TMEM248: variants seen among roughly 807,000 people sequenced by gnomAD.
TMEM248 encodes the protein transmembrane protein 248.
TMEM248 carries 9 observed loss-of-function variants against 30.3 expected under a neutral mutation model. The ratio of observed to expected loss-of-function variants is 0.30; its 90% CI spans 0.18 to 0.52. The LOEUF (loss-of-function observed/expected upper bound fraction) is 0.52, where lower values mean the gene tolerates loss of function less well. Ranked by LOEUF, TMEM248 falls within the 20% of genes least tolerant of loss-of-function variation. TMEM248 has a pLI of 0.97. For missense variants in TMEM248, 338 were observed against 403.3 expected (o/e 0.84, Z 1.39); for synonymous variants, 184 against 154.4 (o/e 1.19, Z -1.42).
chr7:66,948,609 T>TC lies in TMEM248; in HGVS notation c.511_512insC (p.Cys171SerfsTer8). ...GCCTACAGCGTGGAGCTCAGATGAC[T>TC]GCGCCCTCCACGGTCACTGTGAGCA... is the stretch of plus-strand genomic sequence containing the variant. On this transcript the variant is annotated frameshift_variant, in exon 4 of 7. Transcript: ENST00000341567. LOFTEE classifies it high-confidence loss of function. The TC allele has an allele frequency of 1.9e-6, 3 of 1,614,174 alleles. No homozygotes were observed. Among genetic ancestry groups the TC allele is most frequent in the Non-Finnish European group, 2.5e-6 (3 of 1,180,020 alleles).
intron 5 of TMEM248, among the ~76,000 whole-genome samples, chr7:66,951,850 G>A (rs962860189): frequency 2.6e-5 from 4 of 151,984 alleles, no homozygotes; most frequent in Middle Eastern, 3.4e-3. Flanking sequence ...TTGTAGAGAC[G>A]GGGGTCTTGC....
At position 66,945,067 on chromosome 7, in the gene TMEM248, C is replaced by G. The variant is rs778080739; in HGVS notation, c.251C>G (p.Thr84Ser). ...TLKHLTNDTT[T>S]PESTMTSGQA... ...AAGCATCTCACAAACGACACCACAACTCCGGAAAGTACAATGACCAGCGGG... is the reference window on the plus strand; with the variant it reads ...AAGCATCTCACAAACGACACCACAAGTCCGGAAAGTACAATGACCAGCGGG... Residue 84 changes from threonine (T) to serine (S), a missense_variant, in exon 3 of 7, where the codon ACT (threonine) becomes AGT (serine). Coordinates refer to ENST00000341567, the MANE Select transcript of TMEM248 (RefSeq NM_017994.5). 1 of 1,614,252 alleles carries G rather than the reference C, an allele frequency of 6.2e-7. No individual in the cohort carries two copies. The highest frequency in any genetic ancestry group is 1.1e-5 in the South Asian group (1 of 91,082).
In TMEM248 at chr7:66,957,461, G is replaced by A. The variant is rs1792431960; in HGVS notation, c.*1939G>A. 1.3e-5 allele frequency: 2 copies of A among 152,170 alleles called. No homozygotes were observed. The highest frequency in any genetic ancestry group is 4.8e-5 in the African/African-American group (2 of 41,448). 9.4% of individuals were successfully genotyped at this position (152,170 alleles called of 1,614,324 possible). A position where few individuals can be genotyped will look rare whatever the true frequency, so the allele number is the denominator to read the frequency against. ...TATGTATGATACGAGTTGCTTACAC[G>A]ATGCATGGCTAACTTGTTAATTTAG... is the stretch of plus-strand genomic sequence containing the variant. On this transcript the variant is annotated 3_prime_UTR_variant, in exon 7 of 7. Coordinates refer to ENST00000341567, the MANE Select transcript of TMEM248 (RefSeq NM_017994.5).
chr7:66,942,976 C>T (rs1265047352), intron 2 of TMEM248, among the ~76,000 whole-genome samples: 1 of 150,692 alleles, frequency 6.6e-6, no homozygotes, highest in African/African-American at 2.4e-5. Flanking sequence ...TCGTAGCTTT[C>T]TCTCATGCTC....
chr7:66,941,715 C>T (rs74909575), intron 1 of TMEM248, 133 bp from the exon 2 acceptor site: 19 of 667,648 alleles, frequency 2.8e-5, no homozygotes, highest in Middle Eastern at 3.4e-4. Flanking sequence ...AGTTATGATC[C>T]GACATTTCTC....
intron 6 of TMEM248, among the ~76,000 whole-genome samples, chr7:66,954,408 C>T (rs1369535526): frequency 1.7e-5 from 2 of 118,800 alleles, no homozygotes; most frequent in Non-Finnish European, 3.3e-5. Context: ...TTTTTTGAGA[C>T]AGGGTCTCAC....
chr7:66,958,516 G>A lies in TMEM248; in HGVS notation c.*2994G>A, dbSNP rs931505012. 1.3e-5 allele frequency: 2 copies of A among 152,652 alleles called. No homozygotes were observed. The highest frequency in any genetic ancestry group is 2.9e-5 in the Non-Finnish European group (2 of 68,054). 9.5% of individuals were successfully genotyped at this position (152,652 alleles called of 1,614,324 possible). ...TTAATTTTCCGTGTTTGAAGTATGT[G>A]CATATGTGCTTTACAGAATAAAACA... On this transcript the variant is annotated 3_prime_UTR_variant, in exon 7 of 7. Coordinates refer to ENST00000341567, the MANE Select transcript of TMEM248 (RefSeq NM_017994.5).
chr7:66,944,929 A>T (rs1792053081), intron 2 of TMEM248, 47 bp from the exon 3 acceptor site: 2 of 1,599,932 alleles, frequency 1.3e-6, no homozygotes, highest in African/African-American at 1.3e-5. Context: ...GCAGTGGGAG[A>T]CAGGCGCTGC....
chr7:66,957,358 T>G lies in TMEM248; in HGVS notation c.*1836T>G, dbSNP rs1792429692. Reference sequence around the variant, plus strand: ...AAGATTGTTAAAATAATCACCATAGTAACTTGATATGTTAGTATTTTTCTT... The same window carrying G: ...AAGATTGTTAAAATAATCACCATAGGAACTTGATATGTTAGTATTTTTCTT... On this transcript the variant is annotated 3_prime_UTR_variant, in exon 7 of 7. Coordinates refer to ENST00000341567, the MANE Select transcript of TMEM248 (RefSeq NM_017994.5). 6.6e-6 allele frequency: 1 copy of G among 152,382 alleles called. No individual in the cohort carries two copies. The highest frequency in any genetic ancestry group is 1.5e-5 in the Non-Finnish European group (1 of 68,034). The allele number at this position is 152,382 out of a possible 1,614,324, so 9.4% of individuals were successfully genotyped here.
intron 1 of TMEM248, chr7:66,921,885 A>T (rs1289336925): frequency 2.0e-5 from 3 of 152,258 alleles, no homozygotes; most frequent in Admixed American, 6.5e-5. Context: ...CCACAAAGTT[A>T]AATGGCATAG....
At chr7:66,922,321 C>G (rs1791407318) in intron 1 of TMEM248, 1 of 152,128 alleles carries the variant, frequency 6.6e-6, no homozygotes, top group African/African-American at 2.4e-5. Flanking sequence ...TGGTTTGTCT[C>G]GATAGCACCA....
rs147011985 is a variant in TMEM248 at position 66,945,070 on chromosome 7, C to T, written c.254C>T (p.Pro85Leu). 22 of 1,614,090 alleles carry T rather than the reference C, an allele frequency of 1.4e-5. No individual in the cohort carries two copies. Among genetic ancestry groups the T allele is most frequent in the South Asian group, 4.4e-5 (4 of 91,088 alleles). ...LKHLTNDTTT[P>L]ESTMTSGQAR... ...CATCTCACAAACGACACCACAACTC[C>T]GGAAAGTACAATGACCAGCGGGCAG... Residue 85 changes from proline (P) to leucine (L), a missense_variant, in exon 3 of 7, where the codon CCG becomes CTG. Coordinates refer to ENST00000341567, the MANE Select transcript of TMEM248 (RefSeq NM_017994.5).
intron 1 of TMEM248, among the ~76,000 whole-genome samples, chr7:66,940,793 A>G (rs1424009099): frequency 6.6e-6 from 1 of 152,232 alleles, no homozygotes; most frequent in African/African-American, 2.4e-5. Flanking sequence ...TATGGCAATG[A>G]GCAGGACAGA....
At position 66,945,127 on chromosome 7, in the gene TMEM248, T is replaced by C. The variant is rs752998245; in HGVS notation, c.311T>C (p.Leu104Pro). The C allele has an allele frequency of 6.2e-7, 1 of 1,614,200 alleles. No homozygotes were observed. The highest frequency in any genetic ancestry group is 2.2e-5 in the East Asian group (1 of 44,888). Residue 104 changes from leucine (L) to proline (P), a missense_variant, in exon 3 of 7, where the codon CTG (leucine) becomes CCG (proline). Leu to Pro is a moderately conservative substitution (Grantham distance 98). Coordinates refer to ENST00000341567, the MANE Select transcript of TMEM248 (RefSeq NM_017994.5). ...GCTTCCACCCAGTCCCCCCAGGCCC[T>C]GGAGGACTCGGGCCCGGTGAATATC... ...ARASTQSPQA[L>P]EDSGPVNISV...
At chr7:66,926,931 A>G (rs912387980) in intron 1 of TMEM248, among the ~76,000 whole-genome samples, 4 of 152,166 alleles carry the variant, frequency 2.6e-5, no homozygotes, top group Admixed American at 1.3e-4. Flanking sequence ...TTGTTTGGTT[A>G]CAAGTGCTGT....
chr7:66,948,829 ATCTAAAGGATTATTTAATTTG>A (rs1324279299), intron 4 of TMEM248, 135 bp downstream of exon 4: 3 of 913,172 alleles, frequency 3.3e-6, no homozygotes, highest in East Asian at 2.8e-5. Context: ...ACTCGGACCT[ATCTAAAGGATTATTTAATTTG>A]TCTAAAGGAT....
At chr7:66,932,654 A>G (rs1353780120) in intron 1 of TMEM248, among the ~76,000 whole-genome samples, 1 of 146,314 alleles carries the variant, frequency 6.8e-6, no homozygotes, top group Non-Finnish European at 1.5e-5. Context: ...AGCTGGGATT[A>G]CAGGCGCACG....
intron 2 of TMEM248, among the ~76,000 whole-genome samples, chr7:66,942,771 C>G (rs570640363): frequency 6.6e-6 from 1 of 151,988 alleles, no homozygotes; most frequent in Non-Finnish European, 1.5e-5. Flanking sequence ...GCTGGGATTA[C>G]CGGTGTGAGC....
intron 4 of TMEM248, among the ~76,000 whole-genome samples, chr7:66,950,267 G>T (rs1294675771): frequency 6.6e-6 from 1 of 151,856 alleles, no homozygotes; most frequent in Admixed American, 6.6e-5. Flanking sequence ...CCCAAATCTC[G>T]TTTTGAATTG....
Sources: allele counts gnomAD v4.1 joint callset (sites outside exome capture counted in the v4.1 genomes callset), GRCh38; gene constraint gnomAD v4.1.1; transcripts MANE v1.5; gene names NCBI Gene and HGNC (gene_info 2026-07-23, HGNC 2026-07-21).